STON2: variants seen among roughly 807,000 people sequenced by gnomAD.
The protein encoded by STON2 is stonin 2, also known as stonin-2.
STON2 carries 29 observed loss-of-function variants against 65.7 expected under a neutral mutation model. The ratio of observed to expected loss-of-function variants is 0.44; its 90% CI spans 0.33 to 0.60. The LOEUF is 0.60. STON2 is among the 20% of genes least tolerant of loss of function. STON2 has a pLI of 0.03. For synonymous variants in STON2, 404 were observed against 414.2 expected, an observed-to-expected ratio of 0.98 and a Z score of 0.30; for missense variants, 1,054 against 1,118.1, an observed-to-expected ratio of 0.94 and a Z score of 0.82.
chr14:81,413,436 T>C (rs1249958941), intron 2 of STON2, among the ~76,000 whole-genome samples: 1 of 140,672 alleles, frequency 7.1e-6, no homozygotes, highest in Admixed American at 7.1e-5. Flanking sequence ...AGCCTACATC[T>C]GTATTTATTT....
At chr14:81,415,499 T>C (rs1479437610) in intron 2 of STON2, among the ~76,000 whole-genome samples, 2 of 151,788 alleles carry the variant, frequency 1.3e-5, no homozygotes, top group African/African-American at 4.8e-5. Context: ...ATGTTAGGGA[T>C]ATAACACTAA....
chr14:81,278,840 T>C lies in STON2; in HGVS notation c.743-101A>G, dbSNP rs566787593. 4.5e-6 allele frequency: 4 copies of C among 892,758 alleles called. No individual in the cohort carries two copies. In the Admixed American group the frequency reaches 1.1e-4, roughly 24 times the overall value. 55.3% of individuals were successfully genotyped at this position (892,758 alleles called of 1,614,324 possible). A position where few individuals can be genotyped will look rare whatever the true frequency, so the allele number is the denominator to read the frequency against. On this transcript the variant is annotated intron_variant, in intron 5 of 7. Coordinates refer to ENST00000614646, the MANE Select transcript of STON2 (RefSeq NM_001394390.1). ...GGGATTACTAGAATTTTAACTGGAA[T>C]CCAGTACATTCCAAAGCAGCTCATT...
At chr14:81,435,895 G>A (rs952258644) in intron 1 of STON2, among the ~76,000 whole-genome samples, 1 of 152,204 alleles carries the variant, frequency 6.6e-6, no homozygotes, top group African/African-American at 2.4e-5. Flanking sequence ...CCGAAGGCGG[G>A]GCGCGGCGCC....
rs1418398523 is a variant in STON2, at chr14:81,267,076, TG to T, written c.*1337del. On this transcript the variant is annotated 3_prime_UTR_variant, in exon 8 of 8. Transcript: ENST00000614646. Reference sequence around the variant, plus strand: ...AAAAACTGGAGATATTTTTCATTTCTGCATCATCTACAAATCCAATGAAGTG... The same window carrying T: ...AAAAACTGGAGATATTTTTCATTTCTCATCATCTACAAATCCAATGAAGTG... 1 of 985,168 alleles carries T rather than the reference TG, an allele frequency of 1.0e-6. No homozygotes were observed. The highest frequency in any genetic ancestry group is 1.2e-6 in the Non-Finnish European group (1 of 829,796). 61.0% of individuals were successfully genotyped at this position (985,168 alleles called of 1,614,324 possible).
intron 4 of STON2, among the ~76,000 whole-genome samples, chr14:81,347,186 C>T (rs185096414): frequency 3.7e-4 from 56 of 151,282 alleles, no homozygotes; most frequent in East Asian, 2.3e-3. Flanking sequence ...GCTAGACTAA[C>T]CAAGGGAAAG....
upstream of STON2, among the ~76,000 whole-genome samples, chr14:81,404,313 C>T (rs753551908): frequency 6.6e-6 from 1 of 152,106 alleles, no homozygotes; most frequent in Non-Finnish European, 1.5e-5. Context: ...GTAAAATATA[C>T]ACCAGACTTT....
At chr14:81,391,385 C>T (rs1900069880) in intron 3 of STON2, among the ~76,000 whole-genome samples, 2 of 152,182 alleles carry the variant, frequency 1.3e-5, no homozygotes, top group Non-Finnish European at 2.9e-5. Context: ...TGCACAACAG[C>T]CTCCTGAATG....
intron 5 of STON2, among the ~76,000 whole-genome samples, chr14:81,304,311 ATC>A (rs1896086537): frequency 6.6e-6 from 1 of 152,218 alleles, no homozygotes; most frequent in Non-Finnish European, 1.5e-5. Flanking sequence ...TACGTGGATT[ATC>A]TCCTTTGATC....
chr14:81,377,388 A>G lies in STON2; in HGVS notation c.374-6203T>C, dbSNP rs574414485. ...CTGAGTAGTATTCCATGATATACAT[A>G]TATCAGTTAGTTTCCTTCTTTCTCC... On this transcript the variant is annotated intron_variant, in intron 3 of 7. Coordinates refer to ENST00000614646, the MANE Select transcript of STON2 (RefSeq NM_001394390.1). Among the ~76,000 whole-genome samples, 4 of 151,134 alleles carry G rather than the reference A, an allele frequency of 2.6e-5. No homozygotes were observed. In the South Asian group the frequency reaches 8.3e-4, roughly 31 times the overall value.
chr14:81,418,563 G>T (rs1041058748), intron 2 of STON2, among the ~76,000 whole-genome samples: 3 of 152,118 alleles, frequency 2.0e-5, no homozygotes, highest in African/African-American at 7.2e-5. Context: ...GTAAAAAAAA[G>T]GCAAAAAGTT....
At chr14:81,351,576 T>C (rs1478337724) in intron 4 of STON2, among the ~76,000 whole-genome samples, 1 of 152,226 alleles carries the variant, frequency 6.6e-6, no homozygotes. Flanking sequence ...GTCATGTGGA[T>C]AAAAATGGAG....
chr14:81,265,046 C>T lies in STON2; in HGVS notation c.*3368G>A. 2 of 977,600 alleles carry T rather than the reference C, an allele frequency of 2.0e-6. No homozygotes were observed. Among genetic ancestry groups the T allele is most frequent in the Non-Finnish European group, 2.4e-6 (2 of 823,786 alleles). 60.6% of individuals were successfully genotyped at this position (977,600 alleles called of 1,614,324 possible). On this transcript the variant is annotated 3_prime_UTR_variant, in exon 8 of 8. Transcript: ENST00000614646. Reference sequence around the variant, plus strand: ...AATGAATTCATTTTTAATATTTTCACATTATTGATAACAAAGATTATTTGT... The same window carrying T: ...AATGAATTCATTTTTAATATTTTCATATTATTGATAACAAAGATTATTTGT...
At chr14:81,379,678 C>A (rs921953210) in intron 3 of STON2, among the ~76,000 whole-genome samples, 3 of 152,046 alleles carry the variant, frequency 2.0e-5, no homozygotes, top group Admixed American at 1.3e-4. Context: ...TTAGAGAACC[C>A]AGAATAAAGC....
chr14:81,382,018 G>T (rs190615716), intron 3 of STON2, among the ~76,000 whole-genome samples: 1 of 152,078 alleles, frequency 6.6e-6, no homozygotes, highest in Admixed American at 6.6e-5. Flanking sequence ...AGGAGTTTGC[G>T]ACCAGCCTGG....
chr14:81,296,529 A>G (rs1396798044), intron 5 of STON2, among the ~76,000 whole-genome samples: 1 of 150,470 alleles, frequency 6.6e-6, no homozygotes, highest in Non-Finnish European at 1.5e-5. Flanking sequence ...ATAGGCTCGA[A>G]CCCCCTTTGC....
upstream of STON2, among the ~76,000 whole-genome samples, chr14:81,403,580 A>G (rs906354175): frequency 6.6e-6 from 1 of 152,160 alleles, no homozygotes; most frequent in Admixed American, 6.5e-5. Context: ...CAAGCCCAGA[A>G]GCAGGCACAA....
At chr14:81,428,352 G>A (rs1008845995) in intron 1 of STON2, among the ~76,000 whole-genome samples, 3 of 152,162 alleles carry the variant, frequency 2.0e-5, no homozygotes, top group African/African-American at 7.2e-5. Flanking sequence ...ACGTATAACT[G>A]GATACGTCTA....
At chr14:81,289,344 C>A (rs1397410711) in intron 5 of STON2, among the ~76,000 whole-genome samples, 2 of 152,002 alleles carry the variant, frequency 1.3e-5, no homozygotes, top group Admixed American at 1.3e-4. Context: ...AAAGGCTCAC[C>A]GTTGCAATAG....
At chr14:81,405,260 T>A (rs1396834846), upstream of STON2, among the ~76,000 whole-genome samples, 1 of 151,966 alleles carries the variant, frequency 6.6e-6, no homozygotes, top group East Asian at 1.9e-4. Flanking sequence ...CATAAGCTTA[T>A]CCCATGAATT....
Sources: allele counts gnomAD v4.1 joint callset (sites outside exome capture counted in the v4.1 genomes callset), GRCh38; gene constraint gnomAD v4.1.1; transcripts MANE v1.5; gene names NCBI Gene and HGNC (gene_info 2026-07-23, HGNC 2026-07-21).